Variants in SRPX observed in about 807,000 individuals in gnomAD.
The protein encoded by SRPX is sushi repeat-containing protein SRPX.
In SRPX, 24 loss-of-function variants were observed where a neutral mutation model predicts 38.1. The observed-to-expected ratio is 0.63, with a 90% CI of 0.46 to 0.89. The LOEUF is 0.89. Ranked by LOEUF, SRPX falls within the 40% of genes least tolerant of loss-of-function variation. The pLI is 0.00. For synonymous variants in SRPX, 184 were observed against 153.8 expected, an observed-to-expected ratio of 1.20 and a Z score of -1.45; for missense variants, 416 against 377.8, an observed-to-expected ratio of 1.10 and a Z score of -0.84.
At chrX:38,159,880 A>T in intron 7 of SRPX, 137 bp downstream of exon 7, 4 of 679,930 alleles carry the variant, frequency 5.9e-6, no homozygotes, top group Non-Finnish European at 8.7e-6. Context: ...GGATCTAGGG[A>T]CTATGTTCAT....
At chrX:38,207,339 A>G (rs1939230054) in intron 1 of SRPX, among the ~76,000 whole-genome samples, 1 of 112,065 alleles carries the variant, frequency 8.9e-6, no homozygotes, top group Admixed American at 9.4e-5. Flanking sequence ...GAAAAAAGAC[A>G]AACACCTAAA....
rs190220230 is a variant in SRPX, at chrX:38,203,217, G to A, written c.97+17479C>T. 6.9e-4 allele frequency among the ~76,000 whole-genome samples: 76 copies of A among 110,730 alleles called. 1 individual carries two copies. In the East Asian group the frequency reaches 0.021, roughly 30 times the overall value. On this transcript the variant is annotated intron_variant, in intron 1 of 9. Transcript: ENST00000378533. ...AATTAATACAGAAAAGGAATTTAAC[G>A]AAATTTAACATCCATTCGTGATTTA...
At position 38,178,212 on chromosome X, in the gene SRPX, T is replaced by C. The variant is rs5964311; in HGVS notation, c.157+73A>G. 4.8e-3 allele frequency: 3,988 copies of C among 831,499 alleles called. 106 individuals carry two copies. In the African/African-American group the frequency reaches 0.071, roughly 15 times the overall value. 68.5% of individuals were successfully genotyped at this position (831,499 alleles called of 1,213,427 possible). ...GTTGTCTGGTCACTTTATTACAATCTGTTTCACAAGGCAAAAAGGAAAGTT... is the reference window on the plus strand; with the variant it reads ...GTTGTCTGGTCACTTTATTACAATCCGTTTCACAAGGCAAAAAGGAAAGTT... On this transcript the variant is annotated intron_variant, in intron 2 of 9. Coordinates refer to ENST00000378533, the MANE Select transcript of SRPX (RefSeq NM_006307.5).
chrX:38,160,321 T>A, intron 6 of SRPX, 125 bp from the exon 7 acceptor site: 1 of 665,767 alleles, frequency 1.5e-6, no homozygotes. Flanking sequence ...GTGAAATGAG[T>A]GAGGGAGGAG....
At chrX:38,220,267 C>A (rs1164776807) in intron 1 of SRPX, among the ~76,000 whole-genome samples, 1 of 113,621 alleles carries the variant, frequency 8.8e-6, no homozygotes, top group East Asian at 2.8e-4. Context: ...TAGCCTGGGA[C>A]GTGTAGTGGG....
chrX:38,162,731 T>C (rs1267862448), intron 5 of SRPX, among the ~76,000 whole-genome samples: 1 of 112,322 alleles, frequency 8.9e-6, no homozygotes, highest in Admixed American at 9.4e-5. Context: ...GGAGAATCAC[T>C]TGAACCTGGG....
intron 1 of SRPX, among the ~76,000 whole-genome samples, chrX:38,188,572 A>G (rs1938833895): frequency 8.9e-6 from 1 of 112,201 alleles, no homozygotes; most frequent in Non-Finnish European, 1.9e-5. Context: ...TGCATAGCAC[A>G]GTCCCATTTT....
intron 1 of SRPX, 139 bp downstream of exon 1, chrX:38,220,557 C>T (rs1467184460): frequency 1.0e-6 from 1 of 990,910 alleles, no homozygotes; most frequent in Non-Finnish European, 1.3e-6. Flanking sequence ...TCATCCCCAC[C>T]CTCGGGCTGC....
In SRPX at chrX:38,193,112, G is replaced by A. The variant is rs148491540; in HGVS notation, c.98-14768C>T. On this transcript the variant is annotated intron_variant, in intron 1 of 9. Coordinates refer to ENST00000378533, the MANE Select transcript of SRPX (RefSeq NM_006307.5). ...CAGTCCTTACAGTCCTAGCTTGTAA[G>A]AGAGAAGAAATACCTACTATTTAGT... Among the ~76,000 whole-genome samples the A allele has an allele frequency of 6.7e-3, 745 of 111,839 alleles. 11 individuals are homozygous for A. Among genetic ancestry groups the A allele is most frequent in the African/African-American group, 0.023 (702 of 30,685 alleles).
chrX:38,190,323 T>G (rs1938876413), intron 1 of SRPX, among the ~76,000 whole-genome samples: 1 of 111,852 alleles, frequency 8.9e-6, no homozygotes, highest in Admixed American at 9.5e-5. Context: ...ATGAACATCA[T>G]GAGAATGCCT....
At chrX:38,220,522 G>A (rs1939497093) in intron 1 of SRPX, among the ~76,000 whole-genome samples, 174 bp downstream of exon 1, 1 of 113,518 alleles carries the variant, frequency 8.8e-6, no homozygotes, top group Admixed American at 9.2e-5. Flanking sequence ...CCCGGCGCGT[G>A]CCCAGACACC....
At position 38,159,568 on chromosome X, in the gene SRPX, AG is replaced by A. The variant is rs760124332; in HGVS notation, c.955+448del. Reference sequence around the variant, plus strand: ...ATCCTTACAACTCAAGAGGTAGATGAGGTATTATTTTCTTCATTTTACATAG... The same window carrying A: ...ATCCTTACAACTCAAGAGGTAGATGAGTATTATTTTCTTCATTTTACATAG... On this transcript the variant is annotated intron_variant, in intron 7 of 9. Transcript: ENST00000378533. 2.7e-3 allele frequency among the ~76,000 whole-genome samples: 308 copies of A among 112,850 alleles called. 1 individual carries two copies. The highest frequency in any genetic ancestry group is 9.5e-3 in the African/African-American group (294 of 31,107).
chrX:38,151,122 A>T (rs894911079), intron 9 of SRPX, among the ~76,000 whole-genome samples: 38 of 112,302 alleles, frequency 3.4e-4, no homozygotes, highest in African/African-American at 1.2e-3. Context: ...GGAAGAAGGG[A>T]ATAATTTGTA....
Position 38,164,619 on chromosome X carries a change from A to T in SRPX, c.653+150T>A, listed in dbSNP as rs777698167. The T allele has an allele frequency of 4.6e-5, 24 of 526,370 alleles. No homozygotes were observed. In the African/African-American group the frequency reaches 5.5e-4, roughly 12 times the overall value. The allele number at this position is 526,370 out of a possible 1,213,427, so 43.4% of individuals were successfully genotyped here. On this transcript the variant is annotated intron_variant, in intron 5 of 9. Coordinates refer to ENST00000378533, the MANE Select transcript of SRPX (RefSeq NM_006307.5). ...ATAGAGACAGGCAATCAACAAATAC[A>T]TAGGTGACATATATAGTATGTTAGG...
intron 1 of SRPX, among the ~76,000 whole-genome samples, chrX:38,204,756 T>C (rs977237871): frequency 1.8e-5 from 2 of 112,534 alleles, no homozygotes; most frequent in Non-Finnish European, 3.7e-5. Flanking sequence ...AAGAATAATA[T>C]ATGATAATAT....
At chrX:38,173,668 T>C (rs1472820649) in intron 3 of SRPX, among the ~76,000 whole-genome samples, 1 of 111,485 alleles carries the variant, frequency 9.0e-6, no homozygotes, top group Non-Finnish European at 1.9e-5. Flanking sequence ...CAGGCTGGTG[T>C]CGAACTCCTG....
At chrX:38,177,503 G>A (rs1601857609) in intron 2 of SRPX, among the ~76,000 whole-genome samples, 1 of 109,175 alleles carries the variant, frequency 9.2e-6, no homozygotes, top group Middle Eastern at 4.7e-3. Flanking sequence ...CCAGGAATTA[G>A]GACAAATTTC....
At chrX:38,186,741 T>G (rs1345701598) in intron 1 of SRPX, among the ~76,000 whole-genome samples, 2 of 111,652 alleles carry the variant, frequency 1.8e-5, no homozygotes, top group Admixed American at 9.5e-5. Flanking sequence ...TAGGAGCCAC[T>G]TCTTCCTCCC....
At chrX:38,198,905 T>C (rs147899094) in intron 1 of SRPX, among the ~76,000 whole-genome samples, 2,642 of 110,556 alleles carry the variant, frequency 0.024, 40 homozygotes, top group Non-Finnish European at 0.034. Context: ...AACACACCCA[T>C]GTAAGAGAAC....
Sources: allele counts gnomAD v4.1 joint callset (sites outside exome capture counted in the v4.1 genomes callset), GRCh38; gene constraint gnomAD v4.1.1; transcripts MANE v1.5; gene names NCBI Gene and HGNC (gene_info 2026-07-23, HGNC 2026-07-21).